The following CPLANE1 variants were observed in gnomAD, a reference collection of about 807,000 sequenced individuals.
The protein encoded by CPLANE1 is ciliogenesis and planar polarity effector 1.
CPLANE1 carries 263 observed loss-of-function variants against 362.5 expected under a neutral mutation model. That is an observed-to-expected ratio of 0.73 (90% CI 0.66 to 0.80). CPLANE1 has a LOEUF of 0.80. Ranked by LOEUF, CPLANE1 falls within the 30% of genes least tolerant of loss-of-function variation. The pLI is 0.00. For synonymous variants in CPLANE1, 1,212 were observed against 1,302.6 expected (o/e 0.93, Z 1.50); for missense variants, 3,461 against 3,793.4 (o/e 0.91, Z 2.30).
At position 37,220,739 on chromosome 5, in the gene CPLANE1, C is replaced by T. The variant is rs115361397; in HGVS notation, c.2746+585G>A. 3.3e-3 allele frequency among the ~76,000 whole-genome samples: 496 copies of T among 152,304 alleles called. 3 individuals are homozygous for T. The highest frequency in any genetic ancestry group is 5.1e-3 in the Admixed American group (78 of 15,294). ...GTTTCACCATGTTAGCCAGGATCGT[C>T]TCATCTCCTGACCTTGTGATCCACC... On this transcript the variant is annotated intron_variant, in intron 15 of 52. Coordinates refer to ENST00000651892, the MANE Select transcript of CPLANE1 (RefSeq NM_001384732.1).
intron 18 of CPLANE1, among the ~76,000 whole-genome samples, chr5:37,203,837 T>C (rs1789932578): frequency 6.6e-6 from 1 of 152,182 alleles, no homozygotes; most frequent in African/African-American, 2.4e-5. Context: ...CATTTTTGTG[T>C]ACATGAATAT....
At chr5:37,147,971 CAAAAAAAAA>C (rs11284644) in intron 43 of CPLANE1, among the ~76,000 whole-genome samples, 2 of 15,314 alleles carry the variant, frequency 1.3e-4, no homozygotes, top group Admixed American at 9.8e-4. Context: ...ACTGCCTTCT[CAAAAAAAAA>C]AAAAAAAAAA....
intron 6 of CPLANE1, among the ~76,000 whole-genome samples, chr5:37,242,381 T>G (rs1800760124): frequency 1.3e-5 from 2 of 152,174 alleles, no homozygotes; most frequent in African/African-American, 4.8e-5. Flanking sequence ...ATTTTCTATT[T>G]TATTAGGCTT....
At chr5:37,196,398 A>G (rs766082627) in intron 20 of CPLANE1, among the ~76,000 whole-genome samples, 9 of 152,170 alleles carry the variant, frequency 5.9e-5, no homozygotes, top group Non-Finnish European at 1.0e-4. Context: ...TTAAAAAACT[A>G]ATCTATAAAT....
At chr5:37,187,170 C>T (rs1362087091) in intron 23 of CPLANE1, among the ~76,000 whole-genome samples, 6 of 151,776 alleles carry the variant, frequency 4.0e-5, no homozygotes. Context: ...CCAAGATCTC[C>T]CCATTTCCAC....
In CPLANE1 at chr5:37,169,194, T is replaced by G; in HGVS notation, c.6830A>C (p.Gln2277Pro). The change falls in exon 34 of 53, where the codon CAA (glutamine) becomes CCA (proline). Residue 2277 changes from glutamine to proline, a missense_variant. Coordinates refer to ENST00000651892, the MANE Select transcript of CPLANE1 (RefSeq NM_001384732.1). ...FQPALPQRAA[Q>P]TTPASHLNVS... ...ATTCAAATGGGATGCTGGAGTAGTT[T>G]GTGCTGCTCTCTGTGGCAGAGCAGG... is the stretch of plus-strand genomic sequence containing the variant. 6.2e-7 allele frequency: 1 copy of G among 1,614,214 alleles called. No homozygotes were observed. The highest frequency in any genetic ancestry group is 8.5e-7 in the Non-Finnish European group (1 of 1,180,030).
chr5:37,199,264 T>TA (rs1788480008), intron 19 of CPLANE1, among the ~76,000 whole-genome samples: 1 of 152,162 alleles, frequency 6.6e-6, no homozygotes, highest in Non-Finnish European at 1.5e-5. Context: ...CGTAAAGGGA[T>TA]AAGCTGACCC....
At chr5:37,108,009 A>T (rs560814321) in intron 52 of CPLANE1, among the ~76,000 whole-genome samples, 4 of 152,328 alleles carry the variant, frequency 2.6e-5, no homozygotes, top group African/African-American at 9.6e-5. Context: ...AGATGTGAAG[A>T]CAGGGCAGAA....
intron 21 of CPLANE1, among the ~76,000 whole-genome samples, chr5:37,194,098 T>C (rs1314648468): frequency 6.6e-6 from 1 of 151,930 alleles, no homozygotes; most frequent in Non-Finnish European, 1.5e-5. Flanking sequence ...ATTTTTTGCA[T>C]ATTTTAGTAG....
intron 50 of CPLANE1, among the ~76,000 whole-genome samples, chr5:37,117,326 C>T (rs1761294243): frequency 6.6e-6 from 1 of 150,496 alleles, no homozygotes; most frequent in African/African-American, 2.5e-5. Flanking sequence ...ATGAAGTTTA[C>T]AGGTAACAAC....
intron 15 of CPLANE1, among the ~76,000 whole-genome samples, chr5:37,218,478 T>C (rs551526654): frequency 2.0e-5 from 3 of 152,296 alleles, no homozygotes; most frequent in East Asian, 1.9e-4. Flanking sequence ...CCATGCACCT[T>C]TTCCCTTTGC....
chr5:37,175,903 T>A lies in CPLANE1; in HGVS notation c.5978+6A>T. 1 of 1,606,044 alleles carries A rather than the reference T, an allele frequency of 6.2e-7. No homozygotes were observed. The highest frequency in any genetic ancestry group is 8.5e-7 in the Non-Finnish European group (1 of 1,173,328). On this transcript the variant is annotated splice_donor_region_variant and intron_variant, in intron 31 of 52. Coordinates refer to ENST00000651892, the MANE Select transcript of CPLANE1 (RefSeq NM_001384732.1). ...TTTAAATGGTATAGTAGGCAAAACT[T>A]CTTACCTAGAAATTTCTGAACTCGT...
At chr5:37,195,801 C>A (rs1787236404) in intron 21 of CPLANE1, 57 bp downstream of exon 21, 9 of 1,542,478 alleles carry the variant, frequency 5.8e-6, no homozygotes, top group South Asian at 3.8e-5. Flanking sequence ...TTTCCCAAAT[C>A]AAATGAAAAA....
At chr5:37,220,162 G>A (rs1795045582) in intron 15 of CPLANE1, among the ~76,000 whole-genome samples, 1 of 151,924 alleles carries the variant, frequency 6.6e-6, no homozygotes, top group South Asian at 2.1e-4. Flanking sequence ...TGAGGTGGAA[G>A]GATGGCTTGA....
chr5:37,095,039 T>C, the CPLANE1 span, among the ~76,000 whole-genome samples: 5 of 152,266 alleles, frequency 3.3e-5, no homozygotes, highest in East Asian at 9.7e-4. Context: ...ATTGACACTA[T>C]TCCACAAGAT....
intron 8 of CPLANE1, among the ~76,000 whole-genome samples, chr5:37,232,521 GAAAAAAAAA>G (rs36033877): frequency 5.9e-5 from 7 of 119,526 alleles, no homozygotes; most frequent in African/African-American, 1.2e-4. Context: ...CATCTTGGGG[GAAAAAAAAA>G]AAAAAAAAAA....
chr5:37,140,673 T>G, intron 44 of CPLANE1: 2 of 985,334 alleles, frequency 2.0e-6, no homozygotes, highest in Non-Finnish European at 2.4e-6. Flanking sequence ...TATGGGGAAG[T>G]AGGTGAGATT....
chr5:37,160,017 T>C (rs1298258425), intron 38 of CPLANE1, among the ~76,000 whole-genome samples: 4 of 151,964 alleles, frequency 2.6e-5, no homozygotes, highest in Non-Finnish European at 5.9e-5. Flanking sequence ...TTAAAATATA[T>C]GAATACAGAT....
At chr5:37,164,700 G>A (rs1363959485) in intron 36 of CPLANE1, among the ~76,000 whole-genome samples, 1 of 152,168 alleles carries the variant, frequency 6.6e-6, no homozygotes, top group Non-Finnish European at 1.5e-5. Flanking sequence ...AGGACTGACT[G>A]AAAAAGCATG....
Sources: allele counts gnomAD v4.1 joint callset (sites outside exome capture counted in the v4.1 genomes callset), GRCh38; gene constraint gnomAD v4.1.1; transcripts MANE v1.5; gene names NCBI Gene and HGNC (gene_info 2026-07-23, HGNC 2026-07-21).